Variants in MATN2 observed in about 807,000 individuals in gnomAD.
The protein encoded by MATN2 is matrilin 2.
A neutral mutation model predicts 103.2 loss-of-function variants in MATN2; 69 were observed. The ratio of observed to expected loss-of-function variants is 0.67; its 90% CI spans 0.55 to 0.82. The LOEUF (loss-of-function observed/expected upper bound fraction) is 0.82, where lower values mean the gene tolerates loss of function less well. Ranked by LOEUF, MATN2 falls within the 40% of genes least tolerant of loss-of-function variation. The pLI is 0.00. For synonymous variants in MATN2, 429 were observed against 450.2 expected (o/e 0.95, Z 0.60); for missense variants, 1,023 against 1,211.5 (o/e 0.84, Z 2.31).
chr8:97,883,132 C>T (rs1818306666), intron 1 of MATN2, among the ~76,000 whole-genome samples: 1 of 151,848 alleles, frequency 6.6e-6, no homozygotes, highest in South Asian at 2.1e-4. Flanking sequence ...AGTGAAACCT[C>T]ATCTCTACTA....
chr8:97,962,862 C>A (rs553780849), intron 5 of MATN2, among the ~76,000 whole-genome samples: 5 of 152,290 alleles, frequency 3.3e-5, no homozygotes, highest in African/African-American at 1.2e-4. Context: ...TGGACAGGTG[C>A]GATGGCTCAC....
rs542306589 is a variant in MATN2, at chr8:98,033,465, T to G, written c.2717-96T>G. 5 of 710,196 alleles carry G rather than the reference T, an allele frequency of 7.0e-6. No homozygotes were observed. In the African/African-American group the frequency reaches 9.0e-5, roughly 13 times the overall value. 44.0% of individuals were successfully genotyped at this position (710,196 alleles called of 1,614,324 possible). On this transcript the variant is annotated intron_variant, in intron 17 of 18. Transcript: ENST00000254898. Reference sequence around the variant, plus strand: ...TGGAAAAAGTGGAACATGTCTTTCATTATGGTTTCCTCCATATGCTGATTC... The same window carrying G: ...TGGAAAAAGTGGAACATGTCTTTCAGTATGGTTTCCTCCATATGCTGATTC...
chr8:98,004,912 G>A (rs929030716), intron 8 of MATN2, among the ~76,000 whole-genome samples: 5 of 152,232 alleles, frequency 3.3e-5, no homozygotes, highest in African/African-American at 1.2e-4. Context: ...GGATAGGAGC[G>A]CCTGAGTGTG....
At chr8:98,033,263 A>G (rs568502030) in intron 17 of MATN2, 87 bp downstream of exon 17, 1 of 1,181,016 alleles carries the variant, frequency 8.5e-7, no homozygotes, top group African/African-American at 1.6e-5. Context: ...AGGAAAGGAA[A>G]GAAGGAAGTA....
intron 5 of MATN2, among the ~76,000 whole-genome samples, chr8:97,969,121 GAGGTGCCACACTTTTAAACAACC>G (rs1811575512): frequency 6.6e-6 from 1 of 152,208 alleles, no homozygotes; most frequent in African/African-American, 2.4e-5. Flanking sequence ...GGGAGGTGGG[GAGGTGCCACACTTTTAAACAACC>G]AGGTCTCATG....
chr8:97,960,889 A>G (rs1419809454), intron 4 of MATN2, among the ~76,000 whole-genome samples: 1 of 152,184 alleles, frequency 6.6e-6, no homozygotes, highest in Non-Finnish European at 1.5e-5. Context: ...ATCTTGGCTC[A>G]CTGCAACCTC....
intron 7 of MATN2, among the ~76,000 whole-genome samples, chr8:97,997,046 T>C (rs1812609221): frequency 1.3e-5 from 2 of 152,226 alleles, no homozygotes; most frequent in South Asian, 4.1e-4. Flanking sequence ...CAATTTCTCC[T>C]CATGGAGAGT....
intron 11 of MATN2, among the ~76,000 whole-genome samples, chr8:98,016,913 T>C (rs1813383740): frequency 6.6e-6 from 1 of 152,222 alleles, no homozygotes; most frequent in South Asian, 2.1e-4. Context: ...AAATGGACCA[T>C]ACTCATGTGA....
intron 16 of MATN2, 86 bp downstream of exon 16, chr8:98,032,403 G>GT (rs1814066502): frequency 1.0e-6 from 1 of 997,740 alleles, no homozygotes; most frequent in Non-Finnish European, 1.5e-6. Context: ...AGAAGTGAAT[G>GT]TAAGTATGTT....
chr8:97,931,391 T>C lies in MATN2; in HGVS notation c.581T>C (p.Ile194Thr), dbSNP rs572782351. ...ARDTGILIFAIGVGQVDFNTL... is the reference protein window; with the variant it reads ...ARDTGILIFATGVGQVDFNTL... ...GACACGGGCATCCTAATCTTTGCCA[T>C]TGGTGTGGGCCAGGTAGACTTCAAC... is the stretch of plus-strand genomic sequence containing the variant. Residue 194 changes from isoleucine (I) to threonine (T), a missense_variant, in exon 3 of 19, where the codon ATT (isoleucine) becomes ACT (threonine). Coordinates refer to ENST00000254898, the MANE Select transcript of MATN2 (RefSeq NM_002380.5). The surrounding 1 kb of genome is among the most constrained non-coding windows in gnomAD (Gnocchi z 4.1). 81 of 1,613,754 alleles carry C rather than the reference T, an allele frequency of 5.0e-5. No homozygotes were observed. In the South Asian group the frequency reaches 8.6e-4, roughly 17 times the overall value.
Position 98,033,576 on chromosome 8 carries a change from A to C in MATN2, c.2732A>C (p.Glu911Ala). Reference sequence around the variant, plus strand: ...GCTTTCTCAGGAAGCCCTTTGGAAGAAAAACACGATCAATGCAAATGTGAA... The same window carrying C: ...GCTTTCTCAGGAAGCCCTTTGGAAGCAAAACACGATCAATGCAAATGTGAA... ...STKPSGSPLEEKHDQCKCENL... is the reference protein window; with the variant it reads ...STKPSGSPLEAKHDQCKCENL... Residue 911 changes from glutamate to alanine, a missense_variant, in exon 18 of 19, where the codon GAA becomes GCA. By Grantham distance (107) the Glu-to-Ala change is moderately radical. Transcript: ENST00000254898. 1.9e-6 allele frequency: 3 copies of C among 1,593,964 alleles called. No individual in the cohort carries two copies. Among genetic ancestry groups the C allele is most frequent in the Non-Finnish European group, 2.6e-6 (3 of 1,171,322 alleles).
chr8:97,927,828 C>T (rs1202814681), intron 2 of MATN2, among the ~76,000 whole-genome samples: 1 of 152,196 alleles, frequency 6.6e-6, no homozygotes. Context: ...TAGATATTGA[C>T]ACCATGACTA....
At chr8:97,935,871 GT>G (rs1456039072) in intron 3 of MATN2, among the ~76,000 whole-genome samples, 2 of 152,190 alleles carry the variant, frequency 1.3e-5, no homozygotes, top group Non-Finnish European at 2.9e-5. Context: ...ATTGGGACAG[GT>G]TCTGTCTGGG....
intron 6 of MATN2, among the ~76,000 whole-genome samples, chr8:97,991,021 A>C (rs1812371576): frequency 6.6e-6 from 1 of 152,166 alleles, no homozygotes; most frequent in South Asian, 2.1e-4. Flanking sequence ...ATTATACCTC[A>C]AAAAAACTAA....
At chr8:97,955,206 A>G (rs1431862908) in intron 4 of MATN2, among the ~76,000 whole-genome samples, 1 of 152,172 alleles carries the variant, frequency 6.6e-6, no homozygotes, top group East Asian at 1.9e-4. Flanking sequence ...ACTCCATCCT[A>G]AAGCAGTGAT....
rs75702083 is a variant in MATN2, at chr8:97,880,684, A to G, written c.-26-7391A>G. ...TCAGGGCTCAGTCCTTTGGATGTTA[A>G]TCCGACTGGGCTGATGCACACCTAA... On this transcript the variant is annotated intron_variant, in intron 1 of 18. Transcript: ENST00000254898. Among the ~76,000 whole-genome samples the G allele has an allele frequency of 3.3e-5, 5 of 152,348 alleles. No individual in the cohort carries two copies. In the East Asian group the frequency reaches 7.7e-4, roughly 23 times the overall value.
At position 97,961,522 on chromosome 8, in the gene MATN2, G is replaced by A. The variant is rs2130258240; in HGVS notation, c.950G>A (p.Arg317Lys). ...SGYALAEDGK[R>K]CVAVDYCASE... ...TACGCCCTGGCTGAGGATGGGAAGA[G>A]GTGTGTGGGTGAGTATCCCTCCAGC... The change falls in exon 5 of 19, where the codon AGG becomes AAG. Residue 317 changes from arginine to lysine, a missense_variant. Physicochemically the swap from Arg to Lys is conservative, Grantham distance 26. Transcript: ENST00000254898. The A allele has an allele frequency of 6.2e-7, 1 of 1,612,008 alleles. No homozygotes were observed. Among genetic ancestry groups the A allele is most frequent in the Non-Finnish European group, 8.5e-7 (1 of 1,178,880 alleles).
At chr8:98,019,997 T>C (rs1413343173) in intron 12 of MATN2, among the ~76,000 whole-genome samples, 1 of 152,148 alleles carries the variant, frequency 6.6e-6, no homozygotes, top group African/African-American at 2.4e-5. Context: ...GACTGACACC[T>C]AGGATGCCTG....
At chr8:97,894,732 A>C (rs1322257434) in intron 2 of MATN2, among the ~76,000 whole-genome samples, 1 of 152,198 alleles carries the variant, frequency 6.6e-6, no homozygotes, top group Non-Finnish European at 1.5e-5. Flanking sequence ...AAATATTCAT[A>C]AAATTGCAAT....
Sources: allele counts gnomAD v4.1 joint callset (sites outside exome capture counted in the v4.1 genomes callset), GRCh38; gene constraint gnomAD v4.1.1; non-coding constraint Gnocchi (gnomAD v3.1); transcripts MANE v1.5; gene names NCBI Gene and HGNC (gene_info 2026-07-23, HGNC 2026-07-21).